SLC2A13: variants seen among roughly 807,000 people sequenced by gnomAD.
The protein encoded by SLC2A13 is proton myo-inositol cotransporter.
In SLC2A13, 32 loss-of-function variants were observed where a neutral mutation model predicts 64.4. The ratio of observed to expected loss-of-function variants is 0.50; its 90% CI spans 0.37 to 0.67. The LOEUF is 0.67. Among genes scored for constraint, SLC2A13 ranks in the 30% least tolerant of loss-of-function variants. SLC2A13 has a pLI of 0.00. For missense variants in SLC2A13, 743 were observed against 829.2 expected (o/e 0.90, Z 1.28); for synonymous variants, 338 against 327.1 (o/e 1.03, Z -0.36).
rs1381229115 is a variant in SLC2A13 at position 39,760,093 on chromosome 12, A to C, written c.1880T>G (p.Ile627Ser). Residue 627 changes from isoleucine to serine, a missense_variant, in exon 10 of 10, where the codon ATT becomes AGT. Physicochemically the swap from Ile to Ser is moderately radical, Grantham distance 142. This residue lies in a region of SLC2A13 where 295 missense variants were observed against 381.7 expected (regional missense o/e 0.77). Coordinates refer to ENST00000280871, the MANE Select transcript of SLC2A13 (RefSeq NM_052885.4). ...GTSDSDEGRY[I>S]EYIRVKGSNY... is the part of the protein sequence containing the mutation. The stretch of plus-strand genomic sequence containing the variant: ...ACTTCCCTTTACCCGAATATATTCA[A>C]TATATCTCCCTTCATCAGAATCTGA... 6.2e-7 allele frequency: 1 copy of C among 1,612,860 alleles called. No homozygotes were observed. Among genetic ancestry groups the C allele is most frequent in the African/African-American group, 1.3e-5 (1 of 74,826 alleles).
At chr12:40,039,733 C>G (rs920965865) in intron 2 of SLC2A13, among the ~76,000 whole-genome samples, 1 of 152,194 alleles carries the variant, frequency 6.6e-6, no homozygotes, top group Non-Finnish European at 1.5e-5. Flanking sequence ...TTCCTGCCCA[C>G]GTATGCATAG....
chr12:39,956,411 A>T (rs569317412), intron 3 of SLC2A13, among the ~76,000 whole-genome samples: 1 of 152,316 alleles, frequency 6.6e-6, no homozygotes, highest in African/African-American at 2.4e-5. Flanking sequence ...CAGCGTCTCA[A>T]ATTATATGCT....
chr12:39,759,877 C>T lies in SLC2A13; in HGVS notation c.*149G>A. 1 of 601,380 alleles carries T rather than the reference C, an allele frequency of 1.7e-6. No homozygotes were observed. The highest frequency in any genetic ancestry group is 2.9e-6 in the Non-Finnish European group (1 of 344,398). The allele number at this position is 601,380 out of a possible 1,614,324, so 37.3% of individuals were successfully genotyped here. A position where few individuals can be genotyped will look rare whatever the true frequency, so the allele number is the denominator to read the frequency against. ...AAAAAAAAAGTCATCATGGTTGTATCTTCCTCCTAATCAAGTATTCTAGAA... is the reference window on the plus strand; with the variant it reads ...AAAAAAAAAGTCATCATGGTTGTATTTTCCTCCTAATCAAGTATTCTAGAA... On this transcript the variant is annotated 3_prime_UTR_variant, in exon 10 of 10. Transcript: ENST00000280871.
At chr12:39,918,632 C>T (rs1215176878) in intron 4 of SLC2A13, among the ~76,000 whole-genome samples, 2 of 152,034 alleles carry the variant, frequency 1.3e-5, no homozygotes, top group African/African-American at 4.8e-5. Context: ...CAACATACAG[C>T]AAATCACTTG....
chr12:39,910,730 GT>G (rs1945409688), intron 4 of SLC2A13, among the ~76,000 whole-genome samples: 1 of 152,040 alleles, frequency 6.6e-6, no homozygotes, highest in Admixed American at 6.6e-5. Context: ...ATGACTATAT[GT>G]GTGGTTTAAT....
intron 6 of SLC2A13, among the ~76,000 whole-genome samples, chr12:39,832,815 G>A (rs182523017): frequency 1.8e-4 from 28 of 152,030 alleles, no homozygotes; most frequent in Middle Eastern, 3.4e-3. Flanking sequence ...ATACCCATCT[G>A]GTAAAAATCC....
chr12:39,917,271 AG>A (rs775972964), intron 4 of SLC2A13, among the ~76,000 whole-genome samples: 1 of 152,084 alleles, frequency 6.6e-6, no homozygotes, highest in Non-Finnish European at 1.5e-5. Context: ...CTCAGGAAAC[AG>A]GGAAAGGAAC....
At chr12:39,902,991 T>G (rs1361441918) in intron 4 of SLC2A13, among the ~76,000 whole-genome samples, 5 of 152,126 alleles carry the variant, frequency 3.3e-5, no homozygotes, top group Admixed American at 6.6e-5. Context: ...CTAATCTCCT[T>G]TCTTCAAGGT....
At chr12:39,919,712 T>C (rs1001554667) in intron 4 of SLC2A13, among the ~76,000 whole-genome samples, 1 of 152,098 alleles carries the variant, frequency 6.6e-6, no homozygotes, top group Non-Finnish European at 1.5e-5. Context: ...CAATATTTTA[T>C]AACATTCATA....
intron 1 of SLC2A13, among the ~76,000 whole-genome samples, chr12:40,102,375 G>T (rs760487589): frequency 6.6e-6 from 1 of 151,964 alleles, no homozygotes; most frequent in Admixed American, 6.6e-5. Context: ...CTATTTTTGT[G>T]GTTTGAAAAG....
intron 9 of SLC2A13, among the ~76,000 whole-genome samples, chr12:39,760,769 A>T (rs1940104852): frequency 1.3e-5 from 2 of 152,200 alleles, no homozygotes; most frequent in South Asian, 2.1e-4. Context: ...ATGTCAATGC[A>T]GAACAGCCAG....
intron 7 of SLC2A13, among the ~76,000 whole-genome samples, chr12:39,827,278 C>A (rs1942722570): frequency 1.3e-5 from 2 of 152,220 alleles, no homozygotes; most frequent in South Asian, 4.1e-4. Flanking sequence ...ATAGCAAAGG[C>A]TCTTGGTTTT....
chr12:39,859,847 G>T (rs1943711796), intron 6 of SLC2A13, among the ~76,000 whole-genome samples: 1 of 151,976 alleles, frequency 6.6e-6, no homozygotes, highest in Non-Finnish European at 1.5e-5. Context: ...GTATTAAAAA[G>T]AAAAAGTATA....
intron 7 of SLC2A13, among the ~76,000 whole-genome samples, chr12:39,822,820 A>G (rs757157510): frequency 6.6e-6 from 1 of 152,260 alleles, no homozygotes; most frequent in Non-Finnish European, 1.5e-5. Context: ...GTAGTTAAAT[A>G]TATTATGAAT....
rs570797549 is a variant in SLC2A13, at chr12:39,950,500, C to T, written c.1034+757G>A. ...TGAGAGAGTCCTGTATGGCCCTTAT[C>T]ATAGTTTGAAATCTTATATTTAACT... On this transcript the variant is annotated intron_variant, in intron 4 of 9. Transcript: ENST00000280871. 4.6e-5 allele frequency: 7 copies of T among 152,222 alleles called. No individual in the cohort carries two copies. The South Asian group carries it at 1.5e-3, about 32-fold the overall frequency. 9.4% of individuals were successfully genotyped at this position (152,222 alleles called of 1,614,324 possible).
At chr12:39,874,393 C>T (rs1433822733) in intron 4 of SLC2A13, among the ~76,000 whole-genome samples, 2 of 152,078 alleles carry the variant, frequency 1.3e-5, no homozygotes, top group Non-Finnish European at 2.9e-5. Context: ...GCGGGTGGAT[C>T]ACCTGAGGAC....
chr12:40,013,130 G>C (rs1036050933), intron 3 of SLC2A13, among the ~76,000 whole-genome samples: 3 of 151,394 alleles, frequency 2.0e-5, no homozygotes, highest in African/African-American at 7.3e-5. Flanking sequence ...CCAAAACCAA[G>C]TGCAAAAAGG....
At chr12:39,819,183 T>C (rs1942421591) in intron 7 of SLC2A13, among the ~76,000 whole-genome samples, 1 of 152,178 alleles carries the variant, frequency 6.6e-6, no homozygotes, top group South Asian at 2.1e-4. Flanking sequence ...TTTTAAGCCT[T>C]AAATGAAATT....
At chr12:39,834,134 G>C (rs1942940593) in intron 6 of SLC2A13, among the ~76,000 whole-genome samples, 1 of 152,092 alleles carries the variant, frequency 6.6e-6, no homozygotes, top group Non-Finnish European at 1.5e-5. Context: ...ATGCCTGAAG[G>C]CTGTGTCACA....
Sources: allele counts gnomAD v4.1 joint callset (sites outside exome capture counted in the v4.1 genomes callset), GRCh38; gene constraint gnomAD v4.1.1; regional missense constraint gnomAD v4.1.1; transcripts MANE v1.5; gene names NCBI Gene and HGNC (gene_info 2026-07-23, HGNC 2026-07-21).